Variants in SLC24A3 observed in about 807,000 individuals in gnomAD.
SLC24A3 encodes the protein solute carrier family 24 member 3, also known as sodium/potassium/calcium exchanger 3.
SLC24A3 carries 28 observed loss-of-function variants against 75.8 expected under a neutral mutation model. The ratio of observed to expected loss-of-function variants is 0.37; its 90% CI spans 0.27 to 0.51. SLC24A3 has a LOEUF of 0.51. Ranked by LOEUF, SLC24A3 falls within the 20% of genes least tolerant of loss-of-function variation. The probability of loss-of-function intolerance (pLI) is 0.94; values close to 1 mark genes in which losing one functional copy is unlikely to be tolerated. For synonymous variants in SLC24A3, 372 were observed against 334.1 expected (o/e 1.11, Z -1.24); for missense variants, 663 against 847.8 (o/e 0.78, Z 2.71).
chr20:19,399,725 T>C (rs1157803289), intron 2 of SLC24A3, among the ~76,000 whole-genome samples: 2 of 152,190 alleles, frequency 1.3e-5, no homozygotes, highest in African/African-American at 4.8e-5. Flanking sequence ...CTTTCTGCTG[T>C]TGTTGGATGG....
intron 6 of SLC24A3, among the ~76,000 whole-genome samples, chr20:19,596,247 CGTT>C (rs1289843104): frequency 6.6e-6 from 1 of 152,008 alleles, no homozygotes; most frequent in Admixed American, 6.5e-5. Flanking sequence ...ACTTGAGTGG[CGTT>C]GTCAGCAGTA....
At chr20:19,491,326 G>C (rs1008799782) in intron 2 of SLC24A3, among the ~76,000 whole-genome samples, 1 of 152,166 alleles carries the variant, frequency 6.6e-6, no homozygotes, top group Non-Finnish European at 1.5e-5. Context: ...CTTGTTACCT[G>C]TCTAGTCTGT....
intron 1 of SLC24A3, among the ~76,000 whole-genome samples, chr20:19,254,743 T>C (rs1339513044): frequency 2.6e-5 from 4 of 152,072 alleles, no homozygotes; most frequent in African/African-American, 4.8e-5. Flanking sequence ...GGTCTTTTGC[T>C]TCCACCGAGG....
At chr20:19,368,761 A>G (rs1985941238) in intron 2 of SLC24A3, among the ~76,000 whole-genome samples, 1 of 152,216 alleles carries the variant, frequency 6.6e-6, no homozygotes, top group African/African-American at 2.4e-5. Flanking sequence ...ATCTATTCTG[A>G]AACAAAAATG....
chr20:19,678,797 C>T (rs1393767823), intron 9 of SLC24A3, among the ~76,000 whole-genome samples: 1 of 149,250 alleles, frequency 6.7e-6, no homozygotes, highest in African/African-American at 2.5e-5. Context: ...GGGGCGGTTG[C>T]CGGGCGGAGG....
rs76036061 is a variant in SLC24A3, at chr20:19,717,821, T to C, written c.1785+228T>C. On this transcript the variant is annotated intron_variant, in intron 16 of 16. Transcript: ENST00000328041. ...CTCAAAGGCATGGCCCTATCTTACA[T>C]AGAAAGCAAACCATTTTCCCAAACA... Among the ~76,000 whole-genome samples, 1,353 of 152,280 alleles carry C rather than the reference T, an allele frequency of 8.9e-3. 26 individuals carry two copies. Among genetic ancestry groups the C allele is most frequent in the African/African-American group, 0.031 (1,280 of 41,552 alleles).
At chr20:19,650,264 A>G (rs535348691) in intron 6 of SLC24A3, among the ~76,000 whole-genome samples, 1 of 152,334 alleles carries the variant, frequency 6.6e-6, no homozygotes, top group Admixed American at 6.5e-5. Context: ...TCTATTTATA[A>G]AGAAGAGAAA....
chr20:19,278,933 ACAG>A (rs1983572530), intron 1 of SLC24A3, among the ~76,000 whole-genome samples: 1 of 152,234 alleles, frequency 6.6e-6, no homozygotes, highest in Admixed American at 6.5e-5. Flanking sequence ...TGAGGTGCCC[ACAG>A]GCATTGTGAT....
chr20:19,219,182 C>G (rs984149813), intron 1 of SLC24A3, among the ~76,000 whole-genome samples: 1 of 152,120 alleles, frequency 6.6e-6, no homozygotes, highest in Non-Finnish European at 1.5e-5. Flanking sequence ...CCCTGCTGTT[C>G]TCTTCCTGTT....
At chr20:19,619,590 A>G (rs1375642414) in intron 6 of SLC24A3, among the ~76,000 whole-genome samples, 1 of 152,210 alleles carries the variant, frequency 6.6e-6, no homozygotes, top group Non-Finnish European at 1.5e-5. Flanking sequence ...TTACTGGAGC[A>G]TAGATACATA....
intron 15 of SLC24A3, among the ~76,000 whole-genome samples, chr20:19,710,603 T>TA (rs1234008760): frequency 2.0e-5 from 3 of 152,242 alleles, no homozygotes; most frequent in African/African-American, 7.2e-5. Flanking sequence ...CATTGGCACT[T>TA]AATGTTCCTT....
chr20:19,234,827 G>GGCCCTGGGCTTTGATTTCCA (rs1982117333), intron 1 of SLC24A3, among the ~76,000 whole-genome samples: 1 of 152,186 alleles, frequency 6.6e-6, no homozygotes, highest in Non-Finnish European at 1.5e-5. Flanking sequence ...TTTGATGGTT[G>GGCCCTGGGCTTTGATTTCCA]GCCCTGGGCT....
intron 2 of SLC24A3, among the ~76,000 whole-genome samples, chr20:19,335,239 G>C (rs1323694505): frequency 6.6e-6 from 1 of 152,192 alleles, no homozygotes; most frequent in Non-Finnish European, 1.5e-5. Flanking sequence ...GGAATTAAGA[G>C]GGCTAGAATG....
chr20:19,306,117 G>A (rs1396278426), intron 2 of SLC24A3, among the ~76,000 whole-genome samples: 2 of 152,164 alleles, frequency 1.3e-5, no homozygotes, highest in African/African-American at 4.8e-5. Flanking sequence ...ACAAATATAT[G>A]AAAAAGTGTT....
chr20:19,669,690 C>T (rs778434646), intron 8 of SLC24A3, among the ~76,000 whole-genome samples: 1 of 151,856 alleles, frequency 6.6e-6, no homozygotes, highest in African/African-American at 2.4e-5. Flanking sequence ...GAAGTTGTGA[C>T]TTTGGGAGAG....
intron 2 of SLC24A3, among the ~76,000 whole-genome samples, chr20:19,281,950 A>G (rs780177747): frequency 2.0e-5 from 3 of 152,038 alleles, no homozygotes; most frequent in Non-Finnish European, 4.4e-5. Context: ...TTTGACTTGG[A>G]CCTCGAAGCT....
At chr20:19,378,379 T>G (rs2122367859) in intron 2 of SLC24A3, among the ~76,000 whole-genome samples, 1 of 152,320 alleles carries the variant, frequency 6.6e-6, no homozygotes, top group East Asian at 1.9e-4. Flanking sequence ...GCTAGACTCC[T>G]GTTTTAAACT....
intron 2 of SLC24A3, among the ~76,000 whole-genome samples, chr20:19,442,115 A>G (rs906321030): frequency 2.6e-5 from 4 of 152,228 alleles, no homozygotes; most frequent in African/African-American, 7.2e-5. Context: ...ACTGAAGAAC[A>G]TCTTGGTTTC....
At chr20:19,473,415 A>C (rs1987907071) in intron 2 of SLC24A3, among the ~76,000 whole-genome samples, 1 of 152,262 alleles carries the variant, frequency 6.6e-6, no homozygotes, top group Non-Finnish European at 1.5e-5. Context: ...AGATAATAAC[A>C]ATGATGAAAT....
Sources: allele counts gnomAD v4.1 joint callset (sites outside exome capture counted in the v4.1 genomes callset), GRCh38; gene constraint gnomAD v4.1.1; transcripts MANE v1.5; gene names NCBI Gene and HGNC (gene_info 2026-07-23, HGNC 2026-07-21).